IKZF3: variants seen among roughly 807,000 people sequenced by gnomAD.
The protein encoded by IKZF3 is IKAROS family zinc finger 3, also known as zinc finger protein Aiolos.
IKZF3 carries 10 observed loss-of-function variants against 49.0 expected under a neutral mutation model. The ratio of observed to expected loss-of-function variants is 0.20; its 90% CI spans 0.13 to 0.35. The LOEUF (loss-of-function observed/expected upper bound fraction) is 0.35, where lower values mean the gene tolerates loss of function less well. IKZF3 is among the 10% of genes least tolerant of loss of function. The pLI, the probability that IKZF3 is intolerant of heterozygous loss-of-function variation, is 1.00. For synonymous variants in IKZF3, 209 were observed against 228.2 expected (o/e 0.92, Z 0.76); for missense variants, 498 against 664.8 (o/e 0.75, Z 2.76).
chr17:39,859,336 C>T (rs1568078699), intron 1 of IKZF3, among the ~76,000 whole-genome samples: 1 of 149,422 alleles, frequency 6.7e-6, no homozygotes. Flanking sequence ...ATTATTGCAT[C>T]TTTTTTTTAG....
chr17:39,812,154 C>T (rs2061575356), intron 3 of IKZF3, among the ~76,000 whole-genome samples: 1 of 152,276 alleles, frequency 6.6e-6, no homozygotes. Flanking sequence ...CATTTACTTG[C>T]AATAATATGA....
rs139179750 is a variant in IKZF3 at position 39,858,456 on chromosome 17, A to G, written c.7+5664T>C. ...AGTAAGCTGATTTTAAGTACTGACAATAAGTAAAGAGTAATGCACTTTGTT... is the reference window on the plus strand; with the variant it reads ...AGTAAGCTGATTTTAAGTACTGACAGTAAGTAAAGAGTAATGCACTTTGTT... On this transcript the variant is annotated intron_variant, in intron 1 of 7. Coordinates refer to ENST00000346872, the MANE Select transcript of IKZF3 (RefSeq NM_012481.5). Among the ~76,000 whole-genome samples the G allele has an allele frequency of 3.2e-3, 491 of 152,348 alleles. 3 individuals are homozygous for G. Among genetic ancestry groups the G allele is most frequent in the African/African-American group, 0.011 (467 of 41,580 alleles).
At chr17:39,835,244 G>T in intron 1 of IKZF3, 1 of 538,946 alleles carries the variant, frequency 1.9e-6, no homozygotes. Context: ...ACTTCCTGTA[G>T]GTGGCGATCT....
chr17:39,808,830 G>T (rs2061490232), intron 3 of IKZF3, among the ~76,000 whole-genome samples: 1 of 152,194 alleles, frequency 6.6e-6, no homozygotes, highest in Non-Finnish European at 1.5e-5. Flanking sequence ...GCAAGAGAGA[G>T]TTCTGGGCTC....
At chr17:39,767,257 G>GA (rs2060317285) in intron 7 of IKZF3, among the ~76,000 whole-genome samples, 1 of 152,078 alleles carries the variant, frequency 6.6e-6, no homozygotes, top group South Asian at 2.1e-4. Flanking sequence ...ACACTTAACT[G>GA]AAAAAATATA....
chr17:39,816,746 T>A (rs1397925193), intron 3 of IKZF3, among the ~76,000 whole-genome samples: 1 of 152,208 alleles, frequency 6.6e-6, no homozygotes, highest in East Asian at 1.9e-4. Flanking sequence ...TGAGACAGAG[T>A]CTCACTCCGT....
At chr17:39,806,738 C>A (rs1039223457) in intron 3 of IKZF3, among the ~76,000 whole-genome samples, 1 of 152,140 alleles carries the variant, frequency 6.6e-6, no homozygotes, top group Non-Finnish European at 1.5e-5. Flanking sequence ...GTAATATTCC[C>A]CTCCAGTGTG....
At chr17:39,821,929 T>C (rs2061820126) in intron 3 of IKZF3, among the ~76,000 whole-genome samples, 3 of 152,188 alleles carry the variant, frequency 2.0e-5, no homozygotes. Context: ...GGCAGTATCT[T>C]GGCTTTTAAA....
chr17:39,806,609 G>A (rs955623647), intron 3 of IKZF3, among the ~76,000 whole-genome samples: 1 of 152,148 alleles, frequency 6.6e-6, no homozygotes, highest in Non-Finnish European at 1.5e-5. Flanking sequence ...AGGATGTGAA[G>A]AAAATGGAAC....
At chr17:39,794,757 TC>T (rs2061120521) in intron 3 of IKZF3, among the ~76,000 whole-genome samples, 6 of 152,214 alleles carry the variant, frequency 3.9e-5, no homozygotes, top group Admixed American at 3.9e-4. Flanking sequence ...TCTGGATAGG[TC>T]TTCCCTGCTT....
intron 7 of IKZF3, among the ~76,000 whole-genome samples, chr17:39,775,613 T>C (rs961578342): frequency 6.6e-6 from 1 of 152,328 alleles, no homozygotes; most frequent in Admixed American, 6.5e-5. Context: ...CCAAAATGCA[T>C]TGACCACAAC....
At chr17:39,824,140 C>T (rs1654877244) in intron 3 of IKZF3, among the ~76,000 whole-genome samples, 1 of 152,202 alleles carries the variant, frequency 6.6e-6, no homozygotes, top group Admixed American at 6.5e-5. Flanking sequence ...TGGGAGCCCA[C>T]CTCTTGCATC....
At chr17:39,803,118 T>C (rs1037142359) in intron 3 of IKZF3, among the ~76,000 whole-genome samples, 1 of 152,184 alleles carries the variant, frequency 6.6e-6, no homozygotes, top group Admixed American at 6.5e-5. Flanking sequence ...AGGTTCCAGC[T>C]GCTCAGCTGG....
At chr17:39,773,207 G>A (rs905936205) in intron 7 of IKZF3, among the ~76,000 whole-genome samples, 1 of 152,162 alleles carries the variant, frequency 6.6e-6, no homozygotes, top group African/African-American at 2.4e-5. Context: ...GGAAGGAAGG[G>A]CCTGGACTGC....
intron 1 of IKZF3, among the ~76,000 whole-genome samples, chr17:39,855,261 T>C (rs952687142): frequency 1.3e-5 from 2 of 152,348 alleles, no homozygotes; most frequent in East Asian, 1.9e-4. Context: ...GTTTTTGTCT[T>C]GTTTTTGTGT....
intron 1 of IKZF3, among the ~76,000 whole-genome samples, chr17:39,838,435 G>C (rs565386259): frequency 6.6e-6 from 1 of 152,120 alleles, no homozygotes; most frequent in East Asian, 1.9e-4. Context: ...TTCAGATATT[G>C]TAATTTTTAG....
At chr17:39,772,885 G>A (rs144624889) in intron 7 of IKZF3, among the ~76,000 whole-genome samples, 210 of 152,158 alleles carry the variant, frequency 1.4e-3, no homozygotes, top group Non-Finnish European at 2.3e-3. Context: ...GTGCGATCTC[G>A]GCTTACTGCA....
chr17:39,795,572 GA>G (rs1338740534), intron 3 of IKZF3, among the ~76,000 whole-genome samples: 1 of 151,580 alleles, frequency 6.6e-6, no homozygotes, highest in African/African-American at 2.4e-5. Context: ...ATGCCTGGCT[GA>G]TTTTTGTGTT....
chr17:39,827,383 T>C (rs2061985735), intron 3 of IKZF3, among the ~76,000 whole-genome samples: 1 of 151,878 alleles, frequency 6.6e-6, no homozygotes, highest in South Asian at 2.1e-4. Context: ...AGCCTCAACC[T>C]CCCAGGCTCA....
Sources: allele counts gnomAD v4.1 joint callset (sites outside exome capture counted in the v4.1 genomes callset), GRCh38; gene constraint gnomAD v4.1.1; transcripts MANE v1.5; gene names NCBI Gene and HGNC (gene_info 2026-07-23, HGNC 2026-07-21).